CADPS2: variants seen among roughly 807,000 people sequenced by gnomAD.
CADPS2 encodes calcium dependent secretion activator 2, also known as calcium-dependent secretion activator 2.
In CADPS2, 93 loss-of-function variants were observed where a neutral mutation model predicts 172.5. That is an observed-to-expected ratio of 0.54 (90% CI 0.46 to 0.64). CADPS2 has a LOEUF of 0.64. Among genes scored for constraint, CADPS2 ranks in the 30% least tolerant of loss-of-function variants. CADPS2 has a pLI of 0.00. For missense variants in CADPS2, 1,420 were observed against 1,565.9 expected, an observed-to-expected ratio of 0.91 and a Z score of 1.57; for synonymous variants, 546 against 555.2, an observed-to-expected ratio of 0.98 and a Z score of 0.23.
intron 15 of CADPS2, among the ~76,000 whole-genome samples, chr7:122,446,817 T>C (rs1259234309): frequency 3.9e-5 from 6 of 152,188 alleles, no homozygotes; most frequent in Admixed American, 2.0e-4. Context: ...TCCTCCTTTC[T>C]GGATCATGGC....
At chr7:122,603,425 G>T (rs982431117) in intron 6 of CADPS2, among the ~76,000 whole-genome samples, 1 of 148,612 alleles carries the variant, frequency 6.7e-6, no homozygotes, top group Non-Finnish European at 1.5e-5. Flanking sequence ...TAAAAGAAGA[G>T]ATTTAAAGAA....
intron 6 of CADPS2, among the ~76,000 whole-genome samples, chr7:122,590,693 AGATT>A (rs2070654435): frequency 6.6e-6 from 1 of 151,890 alleles, no homozygotes; most frequent in African/African-American, 2.4e-5. Context: ...TCATCCTAAC[AGATT>A]GATTCATAAA....
chr7:122,431,375 G>A (rs187328516), intron 17 of CADPS2, among the ~76,000 whole-genome samples: 2 of 152,088 alleles, frequency 1.3e-5, no homozygotes, highest in African/African-American at 4.8e-5. Context: ...TATACATTGT[G>A]TTGGATTATA....
At chr7:122,819,601 T>TTG (rs2140329391) in intron 1 of CADPS2, among the ~76,000 whole-genome samples, 1 of 147,934 alleles carries the variant, frequency 6.8e-6, no homozygotes, top group African/African-American at 2.5e-5. Context: ...CTCTTAAAAC[T>TTG]CCCCAACTCT....
chr7:122,331,093 T>C (rs925887822), intron 28 of CADPS2: 1 of 152,160 alleles, frequency 6.6e-6, no homozygotes, highest in African/African-American at 2.4e-5. Flanking sequence ...GTTGCTTCAA[T>C]ACAGCTTTAT....
chr7:122,352,685 T>C (rs538183203), intron 27 of CADPS2, among the ~76,000 whole-genome samples: 2 of 152,212 alleles, frequency 1.3e-5, no homozygotes, highest in Non-Finnish European at 2.9e-5. Context: ...CTGGCTCTCA[T>C]GCTGATGTAA....
intron 2 of CADPS2, among the ~76,000 whole-genome samples, chr7:122,684,079 G>C (rs2083366025): frequency 6.6e-6 from 1 of 152,092 alleles, no homozygotes; most frequent in Non-Finnish European, 1.5e-5. Flanking sequence ...AATGTATAGA[G>C]AGCTCACATT....
intron 29 of CADPS2, among the ~76,000 whole-genome samples, chr7:122,324,258 T>G (rs2033338085): frequency 6.6e-6 from 1 of 152,140 alleles, no homozygotes; most frequent in Non-Finnish European, 1.5e-5. Context: ...TTTCTGACTT[T>G]GGAACAGAAC....
intron 8 of CADPS2, among the ~76,000 whole-genome samples, chr7:122,528,413 A>G (rs2061460451): frequency 6.6e-6 from 1 of 152,202 alleles, no homozygotes; most frequent in Non-Finnish European, 1.5e-5. Context: ...GTTGCAAGCT[A>G]CAGAATTTCT....
intron 8 of CADPS2, among the ~76,000 whole-genome samples, chr7:122,546,331 T>C (rs1007357000): frequency 6.6e-6 from 1 of 152,192 alleles, no homozygotes; most frequent in South Asian, 2.1e-4. Flanking sequence ...AAGTAAGTTC[T>C]AGTTATGATT....
intron 1 of CADPS2, among the ~76,000 whole-genome samples, chr7:122,801,064 TA>T (rs138129033): frequency 0.2 from 29,698 of 150,228 alleles, 3,594 homozygotes; most frequent in African/African-American, 0.35. Context: ...CTATTTGGGC[TA>T]AAGAGAAAAT....
At chr7:122,788,753 A>G (rs1248022388) in intron 1 of CADPS2, among the ~76,000 whole-genome samples, 3 of 152,158 alleles carry the variant, frequency 2.0e-5, no homozygotes, top group African/African-American at 7.2e-5. Context: ...GATTGAGTTT[A>G]GGTTCAAGCA....
Position 122,685,409 on chromosome 7 carries a change from G to A in CADPS2, c.454-21840C>T, listed in dbSNP as rs189441307. Among the ~76,000 whole-genome samples, 30 of 152,304 alleles carry A rather than the reference G, an allele frequency of 2.0e-4. No homozygotes were observed. The East Asian group carries it at 5.8e-3, about 29-fold the overall frequency. On this transcript the variant is annotated intron_variant, in intron 2 of 29. Coordinates refer to ENST00000449022, the MANE Select transcript of CADPS2 (RefSeq NM_017954.11). ...TCCCAAGCCCATTCTTCAAGCGTTT[G>A]ATGGCAGCTAACACTGTCTTCTGTC...
intron 1 of CADPS2, among the ~76,000 whole-genome samples, chr7:122,796,699 A>G (rs1216866089): frequency 6.6e-6 from 1 of 152,148 alleles, no homozygotes; most frequent in Non-Finnish European, 1.5e-5. Context: ...CTTATACCAT[A>G]TACAAAAATT....
At chr7:122,471,894 T>G (rs2056004842) in intron 13 of CADPS2, among the ~76,000 whole-genome samples, 1 of 152,162 alleles carries the variant, frequency 6.6e-6, no homozygotes, top group Non-Finnish European at 1.5e-5. Flanking sequence ...AGTCTCTTTA[T>G]GAATCAATTA....
chr7:122,608,762 C>G (rs544794340), intron 6 of CADPS2, among the ~76,000 whole-genome samples: 13 of 152,016 alleles, frequency 8.6e-5, no homozygotes, highest in African/African-American at 3.1e-4. Flanking sequence ...TGGCAAAAAC[C>G]CAGTGTGGCT....
In CADPS2 at chr7:122,320,202, A is replaced by G. The variant is rs1312026385; in HGVS notation, c.3854T>C (p.Ile1285Thr). ...SVSEGGGLQG[I>T]TMKDSDEEEE... ...TTCTTCGTCACTGTCTTTCATAGTA[A>G]TGCCCTGAAGTCCTCCTCCTTCTGA... The change falls in exon 30 of 30, where the codon ATT becomes ACT. Residue 1285 changes from isoleucine to threonine, a missense_variant. Ile to Thr is a moderately conservative substitution (Grantham distance 89). Transcript: ENST00000449022. 1.2e-6 allele frequency: 2 copies of G among 1,611,580 alleles called. No homozygotes were observed. The highest frequency in any genetic ancestry group is 4.5e-5 in the East Asian group (2 of 44,742).
intron 17 of CADPS2, chr7:122,420,887 A>G (rs2048458538): frequency 6.6e-6 from 1 of 152,198 alleles, no homozygotes; most frequent in Non-Finnish European, 1.5e-5. Context: ...ACCTCCATAC[A>G]TTTAAGAAGA....
At chr7:122,554,816 A>T in intron 7 of CADPS2, 127 bp from the exon 8 acceptor site, 1 of 705,062 alleles carries the variant, frequency 1.4e-6, no homozygotes, top group Non-Finnish European at 2.2e-6. Context: ...CCAATAAACA[A>T]TTTGACTCCC....
Sources: allele counts gnomAD v4.1 joint callset (sites outside exome capture counted in the v4.1 genomes callset), GRCh38; gene constraint gnomAD v4.1.1; transcripts MANE v1.5; gene names NCBI Gene and HGNC (gene_info 2026-07-23, HGNC 2026-07-21).